WDR25: variants seen among roughly 807,000 people sequenced by gnomAD.
WDR25 encodes the protein WD repeat domain 25, also known as WD repeat-containing protein 25.
A neutral mutation model predicts 47.7 loss-of-function variants in WDR25; 35 were observed. That is an observed-to-expected ratio of 0.73 (90% confidence interval 0.56 to 0.97). The LOEUF is 0.97. Among genes scored for constraint, WDR25 ranks in the 50% least tolerant of loss-of-function variants. The probability of loss-of-function intolerance (pLI) is 0.00; values close to 1 mark genes in which losing one functional copy is unlikely to be tolerated. For missense variants in WDR25, 634 were observed against 704.7 expected (o/e 0.90, Z 1.14); for synonymous variants, 248 against 278.9 (o/e 0.89, Z 1.10).
chr14:100,464,912 T>C (rs185677358), intron 2 of WDR25, among the ~76,000 whole-genome samples: 1 of 144,646 alleles, frequency 6.9e-6, no homozygotes, highest in African/African-American at 2.6e-5. Flanking sequence ...CTCTACCCGA[T>C]CTGCTCTCCT....
Position 100,457,470 on chromosome 14 carries a change from A to T in WDR25, c.823-10551A>T, listed in dbSNP as rs1339862419. Among the ~76,000 whole-genome samples the T allele has an allele frequency of 2.6e-5, 4 of 152,242 alleles. No homozygotes were observed. The East Asian group carries it at 7.7e-4, about 29-fold the overall frequency. ...CCCCAAATTTAATATCCAGTGAAAT[A>T]TCTTTTAAAAAAGAAAGGCAGATTA... On this transcript the variant is annotated intron_variant, in intron 2 of 6. Coordinates refer to ENST00000402312, the MANE Select transcript of WDR25 (RefSeq NM_001161476.3).
At position 100,441,189 on chromosome 14, in the gene WDR25, T is replaced by C. The variant is rs1898657539; in HGVS notation, c.823-26832T>C. On this transcript the variant is annotated intron_variant, in intron 2 of 6. Coordinates refer to ENST00000402312, the MANE Select transcript of WDR25 (RefSeq NM_001161476.3). ...CATGAGGGACACATAGGAGGCACTC[T>C]GTTCATTTACCACACAGTCATCAAA... 2.0e-5 allele frequency among the ~76,000 whole-genome samples: 3 copies of C among 152,220 alleles called. No individual in the cohort carries two copies. The South Asian group carries it at 6.2e-4, about 32-fold the overall frequency.
intron 3 of WDR25, among the ~76,000 whole-genome samples, chr14:100,480,682 T>G (rs1343269215): frequency 1.3e-5 from 2 of 152,184 alleles, no homozygotes; most frequent in Non-Finnish European, 2.9e-5. Context: ...CTGGGAACAG[T>G]GTTTTTCTAA....
At chr14:100,472,780 A>G (rs980407801) in intron 3 of WDR25, among the ~76,000 whole-genome samples, 1 of 152,146 alleles carries the variant, frequency 6.6e-6, no homozygotes, top group Admixed American at 6.5e-5. Context: ...ATGGGACAAC[A>G]CGCACTCTTT....
intron 2 of WDR25, among the ~76,000 whole-genome samples, chr14:100,432,938 G>A (rs1339938226): frequency 2.6e-5 from 4 of 152,236 alleles, no homozygotes; most frequent in African/African-American, 9.6e-5. Context: ...GCATGTGGCT[G>A]TGCTGAATAC....
intron 2 of WDR25, among the ~76,000 whole-genome samples, chr14:100,462,899 C>T (rs937384043): frequency 9.1e-6 from 1 of 109,384 alleles, no homozygotes; most frequent in African/African-American, 4.5e-5. Context: ...TCCCTCTCCC[C>T]GCTTCCTCTC....
At chr14:100,447,769 C>T (rs1391317402) in intron 2 of WDR25, among the ~76,000 whole-genome samples, 7 of 152,168 alleles carry the variant, frequency 4.6e-5, no homozygotes, top group Non-Finnish European at 5.9e-5. Context: ...TCCTTCCCAC[C>T]GTGCTGAATC....
intron 1 of WDR25, among the ~76,000 whole-genome samples, chr14:100,380,528 C>G (rs111875215): frequency 5.4e-5 from 8 of 148,114 alleles, no homozygotes; most frequent in African/African-American, 2.0e-4. Context: ...GAGTCTCGCT[C>G]TTGTTGACCA....
At chr14:100,496,030 C>T (rs61992961) in intron 4 of WDR25, among the ~76,000 whole-genome samples, 1,952 of 152,298 alleles carry the variant, frequency 0.013, 12 homozygotes, top group Non-Finnish European at 0.021. Flanking sequence ...AACTGCTAGA[C>T]TGTTTTCCAA....
chr14:100,433,160 A>G (rs1186716711), intron 2 of WDR25, among the ~76,000 whole-genome samples: 1 of 152,276 alleles, frequency 6.6e-6, no homozygotes, highest in Non-Finnish European at 1.5e-5. Flanking sequence ...TATCCTTTAT[A>G]GCAAAAGAGA....
intron 2 of WDR25, among the ~76,000 whole-genome samples, chr14:100,466,211 C>T (rs1025787364): frequency 3.3e-5 from 5 of 152,068 alleles, no homozygotes; most frequent in Non-Finnish European, 7.4e-5. Context: ...CAGTTTGAGA[C>T]CCCAGCTATT....
chr14:100,405,033 C>T (rs1007934968), intron 2 of WDR25, among the ~76,000 whole-genome samples: 2 of 152,130 alleles, frequency 1.3e-5, no homozygotes, highest in Non-Finnish European at 2.9e-5. Context: ...TCCAGTCTCA[C>T]CCCCTCATTC....
intron 3 of WDR25, among the ~76,000 whole-genome samples, chr14:100,482,826 A>G (rs575875858): frequency 6.6e-6 from 1 of 152,342 alleles, no homozygotes; most frequent in South Asian, 2.1e-4. Context: ...CTTCGCCACC[A>G]GCTTCCCGTG....
At chr14:100,388,391 C>G (rs993762798) in intron 2 of WDR25, among the ~76,000 whole-genome samples, 1 of 152,194 alleles carries the variant, frequency 6.6e-6, no homozygotes, top group African/African-American at 2.4e-5. Flanking sequence ...GGAAGACACG[C>G]CCGAGGACAC....
At position 100,449,210 on chromosome 14, in the gene WDR25, A is replaced by G. The variant is rs142881948; in HGVS notation, c.823-18811A>G. Among the ~76,000 whole-genome samples the G allele has an allele frequency of 1.5e-3, 228 of 152,356 alleles. 3 individuals carry two copies. Among genetic ancestry groups the G allele is most frequent in the Non-Finnish European group, 2.4e-3 (166 of 68,036 alleles). On this transcript the variant is annotated intron_variant, in intron 2 of 6. Transcript: ENST00000402312. The surrounding 1 kb of genome is among the most constrained non-coding windows in gnomAD (Gnocchi z 4.2). The stretch of plus-strand genomic sequence containing the variant: ...GATGGAATTTTTGGAGCAAAGGGTT[A>G]GTACTCATTTTTATGCAAATTGAGA...
At position 100,424,585 on chromosome 14, in the gene WDR25, G is replaced by A. The variant is rs150133852; in HGVS notation, c.822+42839G>A. Among the ~76,000 whole-genome samples the A allele has an allele frequency of 3.2e-4, 49 of 152,290 alleles. 1 individual carries two copies. In the East Asian group the frequency reaches 7.7e-3, roughly 24 times the overall value. On this transcript the variant is annotated intron_variant, in intron 2 of 6. Coordinates refer to ENST00000402312, the MANE Select transcript of WDR25 (RefSeq NM_001161476.3). The surrounding 1 kb of genome is among the most constrained non-coding windows in gnomAD (Gnocchi z 4.2). ...GGGTTTAACTGCCTGTGGAGTCTGG[G>A]GCCCAGGGCCCTGCTGCCTGTCCAG...
chr14:100,479,963 G>T (rs970856481), intron 3 of WDR25, among the ~76,000 whole-genome samples: 3 of 152,106 alleles, frequency 2.0e-5, no homozygotes, highest in Admixed American at 6.5e-5. Flanking sequence ...GTTTCATCCC[G>T]AAAGCACCCC....
At chr14:100,485,987 C>T (rs1236877049) in intron 4 of WDR25, among the ~76,000 whole-genome samples, 2 of 151,220 alleles carry the variant, frequency 1.3e-5, no homozygotes, top group Non-Finnish European at 2.9e-5. Flanking sequence ...AAGGAACTTT[C>T]TTATAAAAAT....
chr14:100,429,373 G>A (rs570858269), intron 2 of WDR25, among the ~76,000 whole-genome samples: 1 of 152,214 alleles, frequency 6.6e-6, no homozygotes, highest in Non-Finnish European at 1.5e-5. Context: ...TGGAGTGAAA[G>A]AAAGAGGAGA....
Sources: allele counts gnomAD v4.1 joint callset (sites outside exome capture counted in the v4.1 genomes callset), GRCh38; gene constraint gnomAD v4.1.1; non-coding constraint Gnocchi (gnomAD v3.1); transcripts MANE v1.5; gene names NCBI Gene and HGNC (gene_info 2026-07-23, HGNC 2026-07-21).